Variants in KATNIP observed in about 807,000 individuals in gnomAD.
KATNIP encodes the protein katanin-interacting protein.
KATNIP carries 126 observed loss-of-function variants against 174.0 expected under a neutral mutation model. The ratio of observed to expected loss-of-function variants is 0.72; its 90% CI spans 0.63 to 0.84. The LOEUF is 0.84. Among genes scored for constraint, KATNIP ranks in the 40% least tolerant of loss-of-function variants. The pLI is 0.00. For synonymous variants in KATNIP, 810 were observed against 835.7 expected, an observed-to-expected ratio of 0.97 and a Z score of 0.53; for missense variants, 1,958 against 2,109.7, an observed-to-expected ratio of 0.93 and a Z score of 1.41.
Position 27,740,124 on chromosome 16 carries a change from G to A in KATNIP, c.1827G>A (p.Arg609=), listed in dbSNP as rs1162373382. ...ATGGCAAGTTAGACAAAGGAGATAGGGAGGCCCCAGCTGACCACAGCATCC... is the reference window on the plus strand; with the variant it reads ...ATGGCAAGTTAGACAAAGGAGATAGAGAGGCCCCAGCTGACCACAGCATCC... ...IFNGKLDKGD[R]EAPADHSILV... is the part of the protein sequence containing the mutation. The change falls in exon 15 of 28, where the codon AGG becomes AGA. Residue 609 remains arginine, a synonymous_variant. Coordinates refer to ENST00000261588, the MANE Select transcript of KATNIP (RefSeq NM_015202.5). 1 of 1,614,162 alleles carries A rather than the reference G, an allele frequency of 6.2e-7. No individual in the cohort carries two copies. Among genetic ancestry groups the A allele is most frequent in the Non-Finnish European group, 8.5e-7 (1 of 1,180,034 alleles).
At chr16:27,685,634 A>G (rs768762009) in intron 8 of KATNIP, among the ~76,000 whole-genome samples, 1 of 152,230 alleles carries the variant, frequency 6.6e-6, no homozygotes, top group African/African-American at 2.4e-5. Context: ...AGTTTGTTCC[A>G]TCAGTACTCC....
chr16:27,756,116 C>A (rs1034619499), intron 18 of KATNIP, among the ~76,000 whole-genome samples: 1 of 152,188 alleles, frequency 6.6e-6, no homozygotes, highest in East Asian at 1.9e-4. Context: ...TCCCTTATGG[C>A]CCTTCTGCGA....
chr16:27,648,945 G>A (rs74965628), intron 6 of KATNIP, among the ~76,000 whole-genome samples: 162 of 152,356 alleles, frequency 1.1e-3, no homozygotes, highest in African/African-American at 3.8e-3. Flanking sequence ...ACCAGGGGTC[G>A]GTGAGGCTGG....
At chr16:27,607,007 A>T (rs1053839080) in intron 2 of KATNIP, among the ~76,000 whole-genome samples, 1 of 152,074 alleles carries the variant, frequency 6.6e-6, no homozygotes, top group Non-Finnish European at 1.5e-5. Flanking sequence ...TATCACTAGT[A>T]ATTGTAGAGG....
At chr16:27,731,235 G>T (rs1243476795) in intron 14 of KATNIP, among the ~76,000 whole-genome samples, 1 of 152,198 alleles carries the variant, frequency 6.6e-6, no homozygotes, top group Non-Finnish European at 1.5e-5. Context: ...ACCTCAGTAT[G>T]CATGGGGCTC....
chr16:27,733,949 G>A (rs867346745), intron 14 of KATNIP, among the ~76,000 whole-genome samples: 1 of 152,076 alleles, frequency 6.6e-6, no homozygotes, highest in Non-Finnish European at 1.5e-5. Context: ...CGGTATATAC[G>A]TAAATATGTA....
At position 27,729,339 on chromosome 16, in the gene KATNIP, C is replaced by T. The variant is rs1213703647; in HGVS notation, c.1743+7644C>T. ...AGCCCCCGCAGAAAGAGACTGTCCT[C>T]GTGAAAGCTGCAATCTAGCGCCCAT... On this transcript the variant is annotated intron_variant, in intron 14 of 27. Transcript: ENST00000261588. Among the ~76,000 whole-genome samples the T allele has an allele frequency of 3.9e-5, 6 of 152,284 alleles. 1 individual carries two copies. Among genetic ancestry groups the T allele is most frequent in the Admixed American group, 2.6e-4 (4 of 15,302 alleles).
chr16:27,704,906 CTT>C (rs560766968), intron 12 of KATNIP, among the ~76,000 whole-genome samples: 4 of 127,578 alleles, frequency 3.1e-5, no homozygotes, highest in East Asian at 2.3e-4. Context: ...TCTTTTTTTT[CTT>C]TTTTTTTTTT....
intron 15 of KATNIP, among the ~76,000 whole-genome samples, chr16:27,741,371 G>A (rs954047645): frequency 6.6e-6 from 1 of 152,060 alleles, no homozygotes; most frequent in Non-Finnish European, 1.5e-5. Flanking sequence ...CAAGGAGGTC[G>A]AGGCTACGGT....
At chr16:27,672,984 A>G (rs2077974771) in intron 6 of KATNIP, among the ~76,000 whole-genome samples, 1 of 152,214 alleles carries the variant, frequency 6.6e-6, no homozygotes, top group Admixed American at 6.5e-5. Flanking sequence ...GGACAGTGAC[A>G]GCAGTCTCCC....
rs368698732 is a variant in KATNIP at position 27,648,733 on chromosome 16, C to T, written c.538C>T (p.Gln180Ter). The T allele has an allele frequency of 5.0e-6, 8 of 1,613,060 alleles. No homozygotes were observed. Among genetic ancestry groups the T allele is most frequent in the Non-Finnish European group, 6.8e-6 (8 of 1,179,648 alleles). Residue 180 changes from glutamine (Q) to a stop codon, truncating the protein, a stop_gained and splice_region_variant, in exon 6 of 28, where the codon CAG (glutamine) becomes TAG (stop). Transcript: ENST00000261588. LOFTEE classifies it high-confidence loss of function. ...AAACAACACTTCTGAGGATCGTCCGCAGGTAGGGATGGCCTTGGCCTTGTG... is the reference window on the plus strand; with the variant it reads ...AAACAACACTTCTGAGGATCGTCCGTAGGTAGGGATGGCCTTGGCCTTGTG... The part of the protein sequence containing the change: ...QANNTSEDRP[Q>*]ELRRSLELSV...
intron 14 of KATNIP, among the ~76,000 whole-genome samples, chr16:27,735,287 G>A (rs1201728554): frequency 6.6e-6 from 1 of 152,168 alleles, no homozygotes; most frequent in Non-Finnish European, 1.5e-5. Context: ...AGGGCTGGAG[G>A]TCAGATGGGC....
At chr16:27,589,511 G>A (rs1223981113) in intron 2 of KATNIP, among the ~76,000 whole-genome samples, 2 of 152,168 alleles carry the variant, frequency 1.3e-5, no homozygotes, top group Admixed American at 1.3e-4. Context: ...CTAAATAATA[G>A]GGATTTGTTT....
intron 1 of KATNIP, among the ~76,000 whole-genome samples, chr16:27,567,958 A>T (rs963623204): frequency 2.0e-5 from 3 of 152,202 alleles, no homozygotes; most frequent in Non-Finnish European, 4.4e-5. Flanking sequence ...AGCAAGACTC[A>T]GTCTCTAAAA....
chr16:27,740,027 T>G lies in KATNIP; in HGVS notation c.1744-14T>G. The G allele has an allele frequency of 6.2e-7, 1 of 1,601,952 alleles. No individual in the cohort carries two copies. ...TGCTATGCATCTTCACTTTGTTAAA[T>G]CTTATGGTTTCAGGATCTTGACATT... On this transcript the variant is annotated splice_polypyrimidine_tract_variant and intron_variant, in intron 14 of 27. Coordinates refer to ENST00000261588, the MANE Select transcript of KATNIP (RefSeq NM_015202.5).
At chr16:27,773,483 CTCGGAGAACCACAGATACT>C (rs1044154523) in intron 23 of KATNIP, among the ~76,000 whole-genome samples, 13 of 152,192 alleles carry the variant, frequency 8.5e-5, no homozygotes, top group African/African-American at 3.1e-4. Context: ...GCGCCCCCTT[CTCGGAGAACCACAGATACT>C]TTGGAGTTCC....
rs56263804 is a variant in KATNIP at position 27,720,496 on chromosome 16, C to CTTT, written c.1606-1045_1606-1043dup. On this transcript the variant is annotated intron_variant, in intron 13 of 27. Coordinates refer to ENST00000261588, the MANE Select transcript of KATNIP (RefSeq NM_015202.5). ...TATTTATTACACAAAGGGTTTTGTT[C>CTTT]TTTTTTTTTTTTTTTTTTTGGCATC... 2.4e-3 allele frequency among the ~76,000 whole-genome samples: 295 copies of CTTT among 124,518 alleles called. 4 individuals are homozygous for CTTT. Among genetic ancestry groups the CTTT allele is most frequent in the African/African-American group, 8.1e-3 (254 of 31,172 alleles). 81.7% of individuals were successfully genotyped at this position (124,518 alleles called of 152,430 possible).
intron 7 of KATNIP, 123 bp downstream of exon 7, chr16:27,678,119 T>C: frequency 1.8e-6 from 2 of 1,107,606 alleles, no homozygotes; most frequent in Non-Finnish European, 2.6e-6. Context: ...GCCAGGGAGG[T>C]ATATCAGTCA....
In KATNIP at chr16:27,777,650, C is replaced by T. The variant is rs1287887049; in HGVS notation, c.4592C>T (p.Ala1531Val). 9.9e-6 allele frequency: 16 copies of T among 1,613,564 alleles called. No homozygotes were observed. Among genetic ancestry groups the T allele is most frequent in the African/African-American group, 1.3e-5 (1 of 74,932 alleles). ...DDLLVYNGIL[A>V]MVSHLVGGIL... is the part of the protein sequence containing the mutation. ...CTGCTTGTGTACAATGGGATCCTGGCCATGGTGAGCCACCTGGTGGGGGGC... is the reference window on the plus strand; with the variant it reads ...CTGCTTGTGTACAATGGGATCCTGGTCATGGTGAGCCACCTGGTGGGGGGC... The change falls in exon 26 of 28, where the codon GCC (alanine) becomes GTC (valine). Residue 1531 changes from alanine to valine, a missense_variant. Physicochemically the swap from Ala to Val is moderately conservative, Grantham distance 64. Coordinates refer to ENST00000261588, the MANE Select transcript of KATNIP (RefSeq NM_015202.5). This position sits in a 1 kb window ranked among gnomAD's most constrained non-coding sequence, Gnocchi z 4.4.
Sources: gnomAD v4.1 joint callset for allele counts (sites outside exome capture counted in the v4.1 genomes callset) on GRCh38, gnomAD v4.1.1 for gene constraint, Gnocchi (gnomAD v3.1) non-coding constraint, MANE v1.5 for transcripts, NCBI Gene and HGNC (gene_info 2026-07-23, HGNC 2026-07-21) for gene names.